Variants in IGSF21 observed in about 807,000 individuals in gnomAD.
IGSF21 encodes the protein immunoglobin superfamily member 21, also known as immunoglobulin superfamily member 21.
In IGSF21, 28 loss-of-function variants were observed where a neutral mutation model predicts 46.8. That is an observed-to-expected ratio of 0.60 (90% CI 0.44 to 0.82). The LOEUF (loss-of-function observed/expected upper bound fraction) is 0.82, where lower values mean the gene tolerates loss of function less well. Among genes scored for constraint, IGSF21 ranks in the 40% least tolerant of loss-of-function variants. The probability of loss-of-function intolerance (pLI) is 0.00; values close to 1 mark genes in which losing one functional copy is unlikely to be tolerated. For missense variants in IGSF21, 624 were observed against 665.5 expected (o/e 0.94, Z 0.69); for synonymous variants, 284 against 273.6 (o/e 1.04, Z -0.38).
chr1:18,189,863 G>T (rs927728377), intron 1 of IGSF21, among the ~76,000 whole-genome samples: 2 of 151,784 alleles, frequency 1.3e-5, no homozygotes, highest in Non-Finnish European at 2.9e-5. Flanking sequence ...ATTTGAACTT[G>T]GTTCCTCTGC....
intron 1 of IGSF21, among the ~76,000 whole-genome samples, chr1:18,180,738 G>A (rs776226758): frequency 4.6e-5 from 7 of 152,208 alleles, no homozygotes; most frequent in Non-Finnish European, 7.3e-5. Context: ...ACCTGGCACT[G>A]TTCTATGCAT....
intron 3 of IGSF21, among the ~76,000 whole-genome samples, chr1:18,309,144 G>T (rs2124583151): frequency 6.6e-6 from 1 of 152,188 alleles, no homozygotes; most frequent in South Asian, 2.1e-4. Context: ...GCTGTAGGGA[G>T]TTTGTCTGTG....
intron 3 of IGSF21, among the ~76,000 whole-genome samples, chr1:18,317,846 C>T (rs909800149): frequency 6.6e-6 from 1 of 152,192 alleles, no homozygotes; most frequent in African/African-American, 2.4e-5. Context: ...TTAATCCTCT[C>T]AACAACCCAT....
At chr1:18,216,323 G>A (rs562642266) in intron 1 of IGSF21, among the ~76,000 whole-genome samples, 1 of 152,298 alleles carries the variant, frequency 6.6e-6, no homozygotes, top group South Asian at 2.1e-4. Context: ...AGTTGGAGGG[G>A]CAAAGAGAGG....
chr1:18,149,016 G>C (rs1437462162), intron 1 of IGSF21, among the ~76,000 whole-genome samples: 1 of 152,202 alleles, frequency 6.6e-6, no homozygotes, highest in Non-Finnish European at 1.5e-5. Context: ...GTGCTCACCA[G>C]AGTGTGTCTG....
At chr1:18,272,133 G>C (rs1315788268) in intron 2 of IGSF21, among the ~76,000 whole-genome samples, 2 of 152,176 alleles carry the variant, frequency 1.3e-5, no homozygotes, top group African/African-American at 4.8e-5. Flanking sequence ...CATGGCAGCA[G>C]ACAAGAGAGA....
intron 4 of IGSF21, among the ~76,000 whole-genome samples, chr1:18,349,373 T>TA (rs1321034344): frequency 1.3e-5 from 2 of 151,838 alleles, no homozygotes; most frequent in African/African-American, 4.8e-5. Flanking sequence ...GGGGGAGGAC[T>TA]AGGGTGCAAG....
chr1:18,108,444 G>A (rs1196004641), intron 1 of IGSF21, among the ~76,000 whole-genome samples: 1 of 151,992 alleles, frequency 6.6e-6, no homozygotes, highest in African/African-American at 2.4e-5. Context: ...CTGGGTGAGG[G>A]TGTCCGGGAA....
chr1:18,156,314 A>G (rs1362399153), intron 1 of IGSF21, among the ~76,000 whole-genome samples: 1 of 152,178 alleles, frequency 6.6e-6, no homozygotes, highest in East Asian at 1.9e-4. Context: ...CCCTGTGCCC[A>G]CTGGGCACTC....
At chr1:18,151,756 C>A (rs1023619970) in intron 1 of IGSF21, among the ~76,000 whole-genome samples, 10 of 152,250 alleles carry the variant, frequency 6.6e-5, no homozygotes, top group Non-Finnish European at 1.0e-4. Context: ...CTTGGAAATA[C>A]GGAGAAGCTC....
chr1:18,211,969 C>T (rs1158629600), intron 1 of IGSF21, among the ~76,000 whole-genome samples: 1 of 152,206 alleles, frequency 6.6e-6, no homozygotes, highest in Non-Finnish European at 1.5e-5. Context: ...TCCTGAGGCC[C>T]ATGTGGAGCA....
chr1:18,359,508 G>GAAGGAAGGAAGGAAGGAAGGAAGA lies in IGSF21; in HGVS notation c.425-2601_425-2600insGGAAGGAAGGAAGGAAGAAAGGAA, dbSNP rs1429382390. Among the ~76,000 whole-genome samples, 23 of 64,136 alleles carry GAAGGAAGGAAGGAAGGAAGGAAGA rather than the reference G, an allele frequency of 3.6e-4. 1 individual carries two copies. Among genetic ancestry groups the GAAGGAAGGAAGGAAGGAAGGAAGA allele is most frequent in the African/African-American group, 1.6e-3 (21 of 13,528 alleles). The allele number at this position is 64,136 out of a possible 152,430, so 42.1% of individuals were successfully genotyped here. On this transcript the variant is annotated intron_variant, in intron 4 of 9. Transcript: ENST00000251296. ...GGAAGGAAGGAAGGAAGGAAGGAAG[G>GAAGGAAGGAAGGAAGGAAGGAAGA]AAGGAAAAGCAATCCTCTCCTCTCA...
At chr1:18,188,334 C>T (rs570196157) in intron 1 of IGSF21, among the ~76,000 whole-genome samples, 3 of 152,104 alleles carry the variant, frequency 2.0e-5, no homozygotes, top group Admixed American at 6.5e-5. Context: ...TAGATCTCCT[C>T]CTTGGAAATA....
At chr1:18,167,995 C>T (rs2086696449) in intron 1 of IGSF21, among the ~76,000 whole-genome samples, 1 of 152,156 alleles carries the variant, frequency 6.6e-6, no homozygotes, top group Non-Finnish European at 1.5e-5. Context: ...CACCTGCTCT[C>T]CTTTTAATGA....
intron 1 of IGSF21, among the ~76,000 whole-genome samples, chr1:18,130,592 T>C (rs990694427): frequency 6.6e-6 from 1 of 152,182 alleles, no homozygotes; most frequent in Non-Finnish European, 1.5e-5. Flanking sequence ...ATAGGTAAAC[T>C]GAGGAACTCA....
chr1:18,263,790 C>T (rs1035363423), intron 2 of IGSF21, among the ~76,000 whole-genome samples: 1 of 152,184 alleles, frequency 6.6e-6, no homozygotes, highest in African/African-American at 2.4e-5. Context: ...CTGACTCTCA[C>T]ACGTATTGCA....
At chr1:18,163,096 G>A (rs867853228) in intron 1 of IGSF21, among the ~76,000 whole-genome samples, 1 of 152,174 alleles carries the variant, frequency 6.6e-6, no homozygotes, top group Admixed American at 6.5e-5. Flanking sequence ...TTTCCATGGG[G>A]CTTGGGGGCA....
At chr1:18,229,758 G>A (rs2084604991) in intron 2 of IGSF21, among the ~76,000 whole-genome samples, 1 of 152,216 alleles carries the variant, frequency 6.6e-6, no homozygotes, top group Non-Finnish European at 1.5e-5. Flanking sequence ...GAATCACTAA[G>A]AGGTGTATTT....
chr1:18,139,059 G>A (rs929411073), intron 1 of IGSF21, among the ~76,000 whole-genome samples: 1 of 152,156 alleles, frequency 6.6e-6, no homozygotes, highest in African/African-American at 2.4e-5. Context: ...TGCTGGTGCA[G>A]GAGCGCTCTT....
Sources: allele counts gnomAD v4.1 joint callset (sites outside exome capture counted in the v4.1 genomes callset), GRCh38; gene constraint gnomAD v4.1.1; transcripts MANE v1.5; gene names NCBI Gene and HGNC (gene_info 2026-07-23, HGNC 2026-07-21).